The following PUS10 variants were observed in gnomAD, a reference collection of about 807,000 sequenced individuals.
PUS10 encodes tRNA pseudouridine synthase Pus10.
A neutral mutation model predicts 75.0 loss-of-function variants in PUS10; 59 were observed. That is an observed-to-expected ratio of 0.79 (90% CI 0.64 to 0.98). The LOEUF is 0.98. PUS10 is among the 50% of genes least tolerant of loss of function. PUS10 has a pLI of 0.00. For missense variants in PUS10, 650 were observed against 614.4 expected (o/e 1.06, Z -0.61); for synonymous variants, 219 against 211.6 (o/e 1.03, Z -0.30).
chr2:60,984,038 C>T (rs1025538436), intron 4 of PUS10, among the ~76,000 whole-genome samples: 1 of 151,934 alleles, frequency 6.6e-6, no homozygotes, highest in Non-Finnish European at 1.5e-5. Flanking sequence ...CATTTAAAAA[C>T]ACATAGGAAT....
chr2:60,944,430 G>A (rs1451607562), intron 17 of PUS10, among the ~76,000 whole-genome samples: 1 of 152,204 alleles, frequency 6.6e-6, no homozygotes, highest in South Asian at 2.1e-4. Context: ...AGGAGCGGGG[G>A]AGGTACTCTA....
At chr2:60,998,828 A>C (rs1260961871) in intron 4 of PUS10, 1 of 152,214 alleles carries the variant, frequency 6.6e-6, no homozygotes, top group East Asian at 1.9e-4. Context: ...CCTGGTTAGC[A>C]CTTGGATGGG....
intron 9 of PUS10, among the ~76,000 whole-genome samples, chr2:60,961,784 G>C (rs77020632): frequency 5.2e-4 from 79 of 152,260 alleles, no homozygotes; most frequent in African/African-American, 1.8e-3. Context: ...CTTATCTTCC[G>C]AGGCAAAAAC....
chr2:61,011,980 A>AT, intron 1 of PUS10, 75 bp from the exon 2 acceptor site: 3 of 1,197,988 alleles, frequency 2.5e-6, no homozygotes, highest in Non-Finnish European at 3.5e-6. Flanking sequence ...ATGTTTAGGG[A>AT]TAAAAACTAG....
At chr2:61,014,165 G>A (rs902827338) in intron 1 of PUS10, among the ~76,000 whole-genome samples, 18 of 152,110 alleles carry the variant, frequency 1.2e-4, no homozygotes, top group African/African-American at 3.9e-4. Flanking sequence ...CCTGACAACA[G>A]GAGTTTGAGA....
At chr2:60,953,754 A>G (rs931186180) in intron 14 of PUS10, among the ~76,000 whole-genome samples, 179 bp downstream of exon 14, 3 of 152,162 alleles carry the variant, frequency 2.0e-5, no homozygotes, top group African/African-American at 4.8e-5. Context: ...GCATTTTTTC[A>G]TATGTTAATT....
rs144600637 is a variant in PUS10 at position 61,009,100 on chromosome 2, G to C, written c.127-85C>G. ...GGTAAGATGAAACAAGAAAACATGA[G>C]TGAAAATTAGGACATATCACAAATT... On this transcript the variant is annotated intron_variant, in intron 2 of 17. Coordinates refer to ENST00000316752, the MANE Select transcript of PUS10 (RefSeq NM_144709.4). The C allele has an allele frequency of 9.2e-3, 11,351 of 1,229,568 alleles. 76 individuals carry two copies. The highest frequency in any genetic ancestry group is 0.013 in the Middle Eastern group (47 of 3,562). 76.2% of individuals were successfully genotyped at this position (1,229,568 alleles called of 1,614,324 possible). A position where few individuals can be genotyped will look rare whatever the true frequency, so the allele number is the denominator to read the frequency against.
At chr2:60,942,703 T>G (rs1674693282) in intron 17 of PUS10, among the ~76,000 whole-genome samples, 1 of 152,148 alleles carries the variant, frequency 6.6e-6, no homozygotes, top group South Asian at 2.1e-4. Flanking sequence ...ACATTTAAAT[T>G]TTTTAAATGG....
chr2:60,983,761 C>T (rs1370305394), intron 4 of PUS10, among the ~76,000 whole-genome samples: 1 of 151,384 alleles, frequency 6.6e-6, no homozygotes, highest in African/African-American at 2.4e-5. Flanking sequence ...ATATGATACA[C>T]CTAAATATAC....
intron 4 of PUS10, among the ~76,000 whole-genome samples, chr2:60,996,913 T>C (rs1678501845): frequency 6.6e-6 from 1 of 152,222 alleles, no homozygotes; most frequent in Admixed American, 6.5e-5. Context: ...TAGGTATCAA[T>C]GGGTTTACAC....
chr2:61,010,899 A>G, intron 2 of PUS10: 1 of 1,548,542 alleles, frequency 6.5e-7, no homozygotes, highest in Non-Finnish European at 8.7e-7. Context: ...CTGAAAATAG[A>G]GACAATCATA....
At chr2:60,943,886 A>T (rs924048913) in intron 17 of PUS10, among the ~76,000 whole-genome samples, 1 of 151,720 alleles carries the variant, frequency 6.6e-6, no homozygotes, top group South Asian at 2.1e-4. Flanking sequence ...AGTCTTTGAC[A>T]CTCCTAACTG....
chr2:60,944,239 C>G lies in PUS10; in HGVS notation c.1551+770G>C, dbSNP rs1674802973. The stretch of plus-strand genomic sequence containing the variant: ...GCAACCTTGAGGGCACGATCACTGG[C>G]TGTACTGCAGGAGCTAATCTAATCC... On this transcript the variant is annotated intron_variant, in intron 17 of 17. Transcript: ENST00000316752. 5.1e-6 allele frequency: 5 copies of G among 984,542 alleles called. No homozygotes were observed. In the Admixed American group the frequency reaches 1.8e-4, roughly 36 times the overall value. 61.0% of individuals were successfully genotyped at this position (984,542 alleles called of 1,614,324 possible). A position where few individuals can be genotyped will look rare whatever the true frequency, so the allele number is the denominator to read the frequency against.
intron 11 of PUS10, among the ~76,000 whole-genome samples, chr2:60,957,330 G>A (rs1675739333): frequency 6.6e-6 from 1 of 152,146 alleles, no homozygotes; most frequent in Non-Finnish European, 1.5e-5. Context: ...CACAAGCCTT[G>A]GACAAAGGAT....
At chr2:60,994,381 G>C (rs1488621823) in intron 4 of PUS10, among the ~76,000 whole-genome samples, 2 of 137,194 alleles carry the variant, frequency 1.5e-5, no homozygotes, top group African/African-American at 5.4e-5. Flanking sequence ...ATCTTCCTCA[G>C]AGCAAAAAAA....
chr2:60,944,989 T>G lies in PUS10; in HGVS notation c.1551+20A>C. On this transcript the variant is annotated intron_variant, in intron 17 of 17. Transcript: ENST00000316752. ...TTGAATTCAATTTGCCAATGTGCAT[T>G]CCACAACAAAATGGTTTACCTCAAC... is the stretch of plus-strand genomic sequence containing the variant. 1 of 1,585,102 alleles carries G rather than the reference T, an allele frequency of 6.3e-7. No homozygotes were observed. The highest frequency in any genetic ancestry group is 8.7e-7 in the Non-Finnish European group (1 of 1,153,618).
chr2:60,955,393 GA>G (rs1675585688), intron 11 of PUS10, among the ~76,000 whole-genome samples: 1 of 152,046 alleles, frequency 6.6e-6, no homozygotes, highest in African/African-American at 2.4e-5. Context: ...GCAGCAGCGT[GA>G]TCATGGCCCA....
chr2:60,979,008 T>C (rs1219112441), intron 4 of PUS10, among the ~76,000 whole-genome samples: 1 of 152,080 alleles, frequency 6.6e-6, no homozygotes, highest in Non-Finnish European at 1.5e-5. Flanking sequence ...ATAAAATAAA[T>C]ATAGACTGAG....
intron 4 of PUS10, among the ~76,000 whole-genome samples, chr2:60,984,586 C>A (rs1017052529): frequency 4.6e-5 from 7 of 152,292 alleles, no homozygotes; most frequent in South Asian, 4.1e-4. Context: ...TATAGAAATA[C>A]TAGACTCCAT....
Sources: allele counts gnomAD v4.1 joint callset (sites outside exome capture counted in the v4.1 genomes callset), GRCh38; gene constraint gnomAD v4.1.1; transcripts MANE v1.5; gene names NCBI Gene and HGNC (gene_info 2026-07-23, HGNC 2026-07-21).